GHR: variants seen among roughly 807,000 people sequenced by gnomAD.
The protein encoded by GHR is growth hormone receptor, also known as GH receptor.
Under a neutral mutation model 67.1 loss-of-function variants are expected in GHR, and 35 were observed. That is an observed-to-expected ratio of 0.52 (90% CI 0.40 to 0.69). The LOEUF is 0.69. Ranked by LOEUF, GHR falls within the 30% of genes least tolerant of loss-of-function variation. The pLI is 0.00. For missense variants in GHR, 792 were observed against 764.6 expected, an observed-to-expected ratio of 1.04 and a Z score of -0.42; for synonymous variants, 272 against 269.1, an observed-to-expected ratio of 1.01 and a Z score of -0.10.
At chr5:42,663,561 C>T (rs1041772742) in intron 3 of GHR, among the ~76,000 whole-genome samples, 3 of 152,210 alleles carry the variant, frequency 2.0e-5, no homozygotes, top group Non-Finnish European at 4.4e-5. Flanking sequence ...ATGCTAAAAA[C>T]TCTCAATAAA....
rs373108359 is a variant in GHR at position 42,566,390 on chromosome 5, A to G, written c.70+446A>G. Among the ~76,000 whole-genome samples, 12 of 152,336 alleles carry G rather than the reference A, an allele frequency of 7.9e-5. No homozygotes were observed. The East Asian group carries it at 2.1e-3, about 27-fold the overall frequency. On this transcript the variant is annotated intron_variant, in intron 2 of 9. Coordinates refer to ENST00000230882, the MANE Select transcript of GHR (RefSeq NM_000163.5). ...AGAGAAAAGAAATTGCAGGTTTCAA[A>G]TGAATTTCACTTCTCACTCTCTGGG...
At chr5:42,482,440 T>C (rs1745686269) in intron 1 of GHR, among the ~76,000 whole-genome samples, 1 of 152,224 alleles carries the variant, frequency 6.6e-6, no homozygotes. Flanking sequence ...CTGCAGAGGT[T>C]ACTGCTGTCT....
chr5:42,689,093 G>A (rs1227976675), intron 4 of GHR, 74 bp downstream of exon 4: 6 of 1,238,628 alleles, frequency 4.8e-6, no homozygotes, highest in Non-Finnish European at 7.2e-6. Context: ...CAGATGTACT[G>A]TGGGAATGGA....
chr5:42,712,350 T>G (rs1030584041), intron 7 of GHR, among the ~76,000 whole-genome samples: 1 of 151,828 alleles, frequency 6.6e-6, no homozygotes, highest in Non-Finnish European at 1.5e-5. Flanking sequence ...CTATACACCC[T>G]TAAGCTTAGT....
Position 42,689,156 on chromosome 5 carries a change from GA to G in GHR, c.266+144del. On this transcript the variant is annotated intron_variant, in intron 4 of 9. Transcript: ENST00000230882. ...ATGAATATTCATTCACTCATTTATT[GA>G]AAAAAATATTAATCAAGCCCATCCT... 5 of 854,274 alleles carry G rather than the reference GA, an allele frequency of 5.9e-6. 1 individual carries two copies. Among genetic ancestry groups the G allele is most frequent in the South Asian group, 5.5e-5 (4 of 72,780 alleles). The allele number at this position is 854,274 out of a possible 1,614,324, so 52.9% of individuals were successfully genotyped here.
intron 3 of GHR, among the ~76,000 whole-genome samples, chr5:42,656,088 CA>C (rs969530487): frequency 1.6e-4 from 25 of 152,058 alleles, no homozygotes; most frequent in African/African-American, 6.0e-4. Flanking sequence ...ACAGAACCTG[CA>C]AAAAACATGT....
chr5:42,664,005 A>G (rs1474901412), intron 3 of GHR, among the ~76,000 whole-genome samples: 4 of 152,218 alleles, frequency 2.6e-5, no homozygotes, highest in Non-Finnish European at 4.4e-5. Context: ...TGCTTCAAAG[A>G]GAATAAAATA....
At chr5:42,590,933 C>A (rs1382227728) in intron 2 of GHR, among the ~76,000 whole-genome samples, 1 of 152,196 alleles carries the variant, frequency 6.6e-6, no homozygotes, top group Non-Finnish European at 1.5e-5. Context: ...AGCCTAGCAA[C>A]TTGTTTTTCA....
At chr5:42,474,239 AAGAG>A (rs1380980731) in intron 1 of GHR, among the ~76,000 whole-genome samples, 6 of 145,482 alleles carry the variant, frequency 4.1e-5, no homozygotes, top group Admixed American at 1.4e-4. Context: ...AAAAGAAAGA[AAGAG>A]AGAGAAAGAC....
chr5:42,683,012 T>TA (rs1417015239), intron 3 of GHR, among the ~76,000 whole-genome samples: 7 of 147,670 alleles, frequency 4.7e-5, no homozygotes, highest in Non-Finnish European at 5.9e-5. Context: ...TTTTTATATA[T>TA]TTTTTTTTGA....
rs116635328 is a variant in GHR at position 42,442,297 on chromosome 5, G to A, written c.-12+18342G>A. Reference sequence around the variant, plus strand: ...ACTGCTTGAAGGCTCAGCTGAGGCTGATGATCATGAATTCATGGTACTACT... The same window carrying A: ...ACTGCTTGAAGGCTCAGCTGAGGCTAATGATCATGAATTCATGGTACTACT... On this transcript the variant is annotated intron_variant, in intron 1 of 9. Coordinates refer to ENST00000230882, the MANE Select transcript of GHR (RefSeq NM_000163.5). Among the ~76,000 whole-genome samples, 1,391 of 152,310 alleles carry A rather than the reference G, an allele frequency of 9.1e-3. 20 individuals are homozygous for A. Among genetic ancestry groups the A allele is most frequent in the African/African-American group, 0.032 (1,315 of 41,558 alleles).
At chr5:42,557,027 T>A (rs1749347687) in intron 1 of GHR, among the ~76,000 whole-genome samples, 2 of 152,354 alleles carry the variant, frequency 1.3e-5, no homozygotes, top group Admixed American at 1.3e-4. Context: ...GATTTCTGTA[T>A]CTAATTTTTA....
intron 2 of GHR, among the ~76,000 whole-genome samples, chr5:42,608,550 A>G (rs1752738752): frequency 6.6e-6 from 1 of 152,158 alleles, no homozygotes; most frequent in Non-Finnish European, 1.5e-5. Context: ...GGCATAAGTG[A>G]CATACACACT....
Position 42,713,553 on chromosome 5 carries a change from A to G in GHR, c.875+34A>G, listed in dbSNP as rs767278193. The G allele has an allele frequency of 1.1e-5, 10 of 904,150 alleles. No individual in the cohort carries two copies. In the Admixed American group the frequency reaches 1.7e-4, roughly 15 times the overall value. The allele number at this position is 904,150 out of a possible 1,614,324, so 56.0% of individuals were successfully genotyped here. Reference sequence around the variant, plus strand: ...GGAGTAGTATTCTTTGGTATTTTGTACCAGTTGTTTAGATTTCCATATGTG... The same window carrying G: ...GGAGTAGTATTCTTTGGTATTTTGTGCCAGTTGTTTAGATTTCCATATGTG... On this transcript the variant is annotated intron_variant, in intron 8 of 9. Coordinates refer to ENST00000230882, the MANE Select transcript of GHR (RefSeq NM_000163.5).
chr5:42,565,852 T>C lies in GHR; in HGVS notation c.-11-12T>C, dbSNP rs1749894922. ...ATTGCTGGGCTTTACCTTACCCTTT[T>C]TGTGATTGCAGGTCCTACAGGTATG... On this transcript the variant is annotated splice_polypyrimidine_tract_variant and intron_variant, in intron 1 of 9. Coordinates refer to ENST00000230882, the MANE Select transcript of GHR (RefSeq NM_000163.5). 1.2e-6 allele frequency: 2 copies of C among 1,614,002 alleles called. No homozygotes were observed. Among genetic ancestry groups the C allele is most frequent in the East Asian group, 4.5e-5 (2 of 44,884 alleles).
intron 1 of GHR, among the ~76,000 whole-genome samples, chr5:42,452,572 C>T (rs866038488): frequency 1.1e-4 from 17 of 152,222 alleles, no homozygotes; most frequent in African/African-American, 2.4e-4. Context: ...TCCCAAATTT[C>T]GTGGAAACTT....
intron 1 of GHR, among the ~76,000 whole-genome samples, chr5:42,455,548 A>C (rs1744226357): frequency 6.6e-6 from 1 of 152,206 alleles, no homozygotes; most frequent in African/African-American, 2.4e-5. Context: ...TTTATTCCCA[A>C]TTTATATGGA....
chr5:42,669,155 A>G (rs1756146690), intron 3 of GHR, among the ~76,000 whole-genome samples: 1 of 152,164 alleles, frequency 6.6e-6, no homozygotes, highest in African/African-American at 2.4e-5. Context: ...CTGTTTTAGC[A>G]AGCAGAGTTG....
At chr5:42,445,161 T>C (rs746279979) in intron 1 of GHR, among the ~76,000 whole-genome samples, 3 of 152,254 alleles carry the variant, frequency 2.0e-5, no homozygotes, top group Non-Finnish European at 4.4e-5. Flanking sequence ...CCTAGCCATG[T>C]GCTGGACAGT....
Sources: gnomAD v4.1 joint callset for allele counts (sites outside exome capture counted in the v4.1 genomes callset) on GRCh38, gnomAD v4.1.1 for gene constraint, MANE v1.5 for transcripts, NCBI Gene and HGNC (gene_info 2026-07-23, HGNC 2026-07-21) for gene names.